HTT: variants seen among roughly 807,000 people sequenced by gnomAD.
The protein encoded by HTT is huntington disease protein.
HTT carries 104 observed loss-of-function variants against 362.3 expected under a neutral mutation model. The ratio of observed to expected loss-of-function variants is 0.29; its 90% CI spans 0.24 to 0.34. The LOEUF (loss-of-function observed/expected upper bound fraction) is 0.34. HTT is among the 10% of genes least tolerant of loss of function. The pLI is 1.00. For missense variants in HTT, 3,301 were observed against 3,928.6 expected (o/e 0.84, Z 4.27); for synonymous variants, 1,577 against 1,548.7 (o/e 1.02, Z -0.43).
At position 3,132,795 on chromosome 4, in the gene HTT, TG is replaced by T. The variant is rs760674169; in HGVS notation, c.2396-18del. ...TTTAAGTTTAGATGATGATGTTTGT[TG>T]CTTGTTCTTCTGGTTAGGAAATACA... On this transcript the variant is annotated intron_variant, in intron 17 of 66. Coordinates refer to ENST00000355072, the MANE Select transcript of HTT (RefSeq NM_001388492.1). The T allele has an allele frequency of 3.1e-6, 5 of 1,613,334 alleles. No homozygotes were observed. The highest frequency in any genetic ancestry group is 4.2e-6 in the Non-Finnish European group (5 of 1,179,202).
At chr4:3,193,329 C>T (rs1211091772) in intron 40 of HTT, among the ~76,000 whole-genome samples, 1 of 152,210 alleles carries the variant, frequency 6.6e-6, no homozygotes, top group East Asian at 1.9e-4. Flanking sequence ...CTTCACTGAC[C>T]ACTGTAATAA....
chr4:3,187,281 G>A (rs181963227), intron 38 of HTT, among the ~76,000 whole-genome samples: 575 of 151,822 alleles, frequency 3.8e-3, no homozygotes, highest in Non-Finnish European at 5.8e-3. Context: ...TCAGCCTCCC[G>A]AGTAGCTGGG....
intron 2 of HTT, among the ~76,000 whole-genome samples, chr4:3,089,098 C>T (rs964890733): frequency 2.0e-5 from 3 of 152,168 alleles, no homozygotes; most frequent in African/African-American, 7.2e-5. Context: ...CTTACTGGCT[C>T]ATTTTTGAAA....
intron 26 of HTT, among the ~76,000 whole-genome samples, chr4:3,153,557 G>A (rs1717002440): frequency 6.6e-6 from 1 of 152,146 alleles, no homozygotes; most frequent in African/African-American, 2.4e-5. Context: ...AGCTTTGCTG[G>A]TAACCAGCTG....
chr4:3,084,198 C>CTT (rs4038024), intron 1 of HTT, among the ~76,000 whole-genome samples: 12 of 81,920 alleles, frequency 1.5e-4, no homozygotes, highest in African/African-American at 4.5e-4. Flanking sequence ...AATGCTTTGT[C>CTT]TTTTTTTTTT....
In HTT at chr4:3,177,378, G is replaced by A. The variant is rs1029465856; in HGVS notation, c.4454G>A (p.Gly1485Asp). 1 of 1,591,240 alleles carries A rather than the reference G, an allele frequency of 6.3e-7. No individual in the cohort carries two copies. The highest frequency in any genetic ancestry group is 8.6e-7 in the Non-Finnish European group (1 of 1,168,760). ...AAACAGTTTGAATACATTGAAGTGG[G>A]CCAGTTCAGGTAATAGCATTTTATT... ...VLKQFEYIEV[G>D]QFRESEAIIP... Residue 1485 changes from glycine (G) to aspartate (D), a missense_variant, in exon 34 of 67, where the codon GGC (glycine) becomes GAC (aspartate). Physicochemically the swap from Gly to Asp is moderately conservative, Grantham distance 94. This residue lies in a region of HTT where 2,316 missense variants were observed against 2,658.5 expected (regional missense o/e 0.87). Coordinates refer to ENST00000355072, the MANE Select transcript of HTT (RefSeq NM_001388492.1).
At chr4:3,200,439 G>C (rs1719474416) in intron 41 of HTT, among the ~76,000 whole-genome samples, 2 of 152,106 alleles carry the variant, frequency 1.3e-5, no homozygotes, top group South Asian at 2.1e-4. Flanking sequence ...TTTGCAAAAG[G>C]TTTTCAGGCT....
Position 3,129,985 on chromosome 4 carries a change from A to T in HTT, c.1805A>T (p.Asp602Val), listed in dbSNP as rs745908618. 6.2e-7 allele frequency: 1 copy of T among 1,614,016 alleles called. No homozygotes were observed. Residue 602 changes from aspartate to valine, a missense_variant, in exon 13 of 67, where the codon GAT becomes GTT. This residue lies in a region of HTT where 2,316 missense variants were observed against 2,658.5 expected (regional missense o/e 0.87). Coordinates refer to ENST00000355072, the MANE Select transcript of HTT (RefSeq NM_001388492.1). ...CAGATTGGACAGCCCCAGGATGAAG[A>T]TGAGGAAGCCACAGGTATTCTTCCT... ...GLQIGQPQDE[D>V]EEATGILPDE...
intron 9 of HTT, among the ~76,000 whole-genome samples, chr4:3,122,688 T>C (rs771105881): frequency 5.3e-5 from 8 of 152,274 alleles, no homozygotes; most frequent in Non-Finnish European, 7.3e-5. Context: ...TTAGGTCATA[T>C]CTTTAGAACT....
In HTT at chr4:3,218,066, G is replaced by GCTGTGGTTCTGGTGCCCA. The variant is rs1367252899; in HGVS notation, c.7242+131_7242+148dup. 4.4e-6 allele frequency: 4 copies of GCTGTGGTTCTGGTGCCCA among 914,144 alleles called. No homozygotes were observed. The highest frequency in any genetic ancestry group is 1.8e-5 in the South Asian group (1 of 55,412). 56.6% of individuals were successfully genotyped at this position (914,144 alleles called of 1,614,324 possible). On this transcript the variant is annotated intron_variant, in intron 52 of 66. Transcript: ENST00000355072. The surrounding 1 kb of genome is among the most constrained non-coding windows in gnomAD (Gnocchi z 4.4). ...AATCCCCGCAGCCCAGAGGCTGCCT[G>GCTGTGGTTCTGGTGCCCA]CTGTGGTTCTGGTGCCCACTGTGGT...
chr4:3,077,736 G>C (rs979195387), intron 1 of HTT, among the ~76,000 whole-genome samples: 1 of 152,106 alleles, frequency 6.6e-6, no homozygotes, highest in Non-Finnish European at 1.5e-5. Flanking sequence ...AACTTTTAAA[G>C]GTTCTTAGCA....
At chr4:3,077,934 T>A (rs1712652182) in intron 1 of HTT, among the ~76,000 whole-genome samples, 1 of 152,238 alleles carries the variant, frequency 6.6e-6, no homozygotes, top group Non-Finnish European at 1.5e-5. Flanking sequence ...CAAAAAATCC[T>A]CTTCTCAAAG....
At chr4:3,225,221 G>T (rs73193314) in intron 56 of HTT, among the ~76,000 whole-genome samples, 1 of 152,274 alleles carries the variant, frequency 6.6e-6, no homozygotes, top group Non-Finnish European at 1.5e-5. Context: ...TATCTGGTCA[G>T]CCTGGGCACC....
At chr4:3,120,970 A>G (rs917108011) in intron 8 of HTT, among the ~76,000 whole-genome samples, 2 of 152,088 alleles carry the variant, frequency 1.3e-5, no homozygotes, top group African/African-American at 4.8e-5. Context: ...GGAAATAGAG[A>G]TCTTCATTCT....
intron 1 of HTT, among the ~76,000 whole-genome samples, chr4:3,084,839 C>T (rs1713116742): frequency 1.3e-5 from 2 of 151,804 alleles, no homozygotes; most frequent in African/African-American, 2.4e-5. Flanking sequence ...CGGTGAAACC[C>T]CGTCTCTACT....
intron 21 of HTT, among the ~76,000 whole-genome samples, chr4:3,136,712 G>T (rs1716082255): frequency 6.6e-6 from 1 of 151,972 alleles, no homozygotes; most frequent in Admixed American, 6.6e-5. Context: ...ATGCAATTTT[G>T]TAATCTGACA....
chr4:3,150,900 G>A (rs1389097898), intron 26 of HTT, among the ~76,000 whole-genome samples: 2 of 152,172 alleles, frequency 1.3e-5, no homozygotes, highest in African/African-American at 2.4e-5. Flanking sequence ...TTAGCCGGGT[G>A]TGGTGGCGGG....
At chr4:3,127,227 C>T (rs998665919) in intron 11 of HTT, 37 bp from the exon 12 acceptor site, 2 of 1,491,888 alleles carry the variant, frequency 1.3e-6, no homozygotes, top group African/African-American at 2.8e-5. Flanking sequence ...AATGTTTTCT[C>T]TCGCCATTTG....
rs201760820 is a variant in HTT at position 3,132,684 on chromosome 4, G to A, written c.2359G>A (p.Val787Met). The A allele has an allele frequency of 5.7e-4, 927 of 1,614,184 alleles. 11 individuals are homozygous for A. Among genetic ancestry groups the A allele is most frequent in the South Asian group, 1.8e-3 (166 of 91,084 alleles). Residue 787 changes from valine to methionine, a missense_variant, in exon 17 of 67, where the codon GTG becomes ATG. By Grantham distance (21) the Val-to-Met change is conservative. Transcript: ENST00000355072. ...CSILSRSRFH[V>M]GDWMGTIRTL... ...CATCCTCAGCAGGTCCCGCTTCCACGTGGGAGATTGGATGGGCACCATTAG... is the reference window on the plus strand; with the variant it reads ...CATCCTCAGCAGGTCCCGCTTCCACATGGGAGATTGGATGGGCACCATTAG...
Sources: gnomAD v4.1 joint callset for allele counts (sites outside exome capture counted in the v4.1 genomes callset) on GRCh38, gnomAD v4.1.1 for gene constraint, gnomAD v4.1.1 regional missense constraint, Gnocchi (gnomAD v3.1) non-coding constraint, MANE v1.5 for transcripts, NCBI Gene and HGNC (gene_info 2026-07-23, HGNC 2026-07-21) for gene names.